Variants in SCHIP1 observed in about 807,000 individuals in gnomAD.
SCHIP1 encodes the protein schwannomin-interacting protein 1.
Under a neutral mutation model 29.7 loss-of-function variants are expected in SCHIP1, and 8 were observed. The ratio of observed to expected loss-of-function variants is 0.27; its 90% CI spans 0.16 to 0.49. SCHIP1 has a LOEUF of 0.49. Ranked by LOEUF, SCHIP1 falls within the 20% of genes least tolerant of loss-of-function variation. The pLI, the probability that SCHIP1 is intolerant of heterozygous loss-of-function variation, is 0.99. For missense variants in SCHIP1, 193 were observed against 294.6 expected (o/e 0.66, Z 2.52); for synonymous variants, 76 against 94.9 (o/e 0.80, Z 1.16).
At chr3:159,619,916 A>G in the SCHIP1 span, among the ~76,000 whole-genome samples, 1 of 152,244 alleles carries the variant, frequency 6.6e-6, no homozygotes, top group Admixed American at 6.5e-5. Context: ...CATGAAGTCC[A>G]TGGTATATAA....
chr3:159,480,144 C>T, the SCHIP1 span, among the ~76,000 whole-genome samples: 1 of 152,160 alleles, frequency 6.6e-6, no homozygotes, highest in South Asian at 2.1e-4. Context: ...CATTTGCTAC[C>T]TGCCTCTACT....
chr3:159,526,030 A>G, the SCHIP1 span, among the ~76,000 whole-genome samples: 1 of 152,252 alleles, frequency 6.6e-6, no homozygotes, highest in African/African-American at 2.4e-5. Context: ...ACTCATAACT[A>G]GAGTTAGTCA....
At chr3:159,424,373 T>C in the SCHIP1 span, among the ~76,000 whole-genome samples, 51 of 152,176 alleles carry the variant, frequency 3.4e-4, no homozygotes, top group Admixed American at 3.1e-3. Context: ...AAGCCAAGGC[T>C]CGAGAACTAT....
At chr3:159,371,898 T>C in the SCHIP1 span, among the ~76,000 whole-genome samples, 3 of 152,208 alleles carry the variant, frequency 2.0e-5, no homozygotes, top group East Asian at 5.8e-4. Context: ...TTTGTTGAAT[T>C]AATGGGTGCA....
chr3:159,341,775 G>C, the SCHIP1 span, among the ~76,000 whole-genome samples: 2 of 151,994 alleles, frequency 1.3e-5, no homozygotes, highest in South Asian at 4.1e-4. Flanking sequence ...GCTACTTTCT[G>C]TATCTAAACC....
the SCHIP1 span, among the ~76,000 whole-genome samples, chr3:159,828,671 C>T: frequency 6.6e-6 from 1 of 151,876 alleles, no homozygotes; most frequent in Non-Finnish European, 1.5e-5. Context: ...CTGTTCTCTT[C>T]CCCAGTACTC....
At chr3:159,888,295 G>A (rs7613455) in intron 4 of SCHIP1, 89 of 230,424 alleles carry the variant, frequency 3.9e-4, no homozygotes, top group African/African-American at 1.9e-3. Flanking sequence ...TAGGAGTCCT[G>A]GACTTTGGAG....
the SCHIP1 span, among the ~76,000 whole-genome samples, chr3:159,778,288 C>T: frequency 3.9e-5 from 6 of 152,076 alleles, no homozygotes; most frequent in East Asian, 1.9e-4. Context: ...CCACCGCGCC[C>T]GGCTAGGAAA....
the SCHIP1 span, among the ~76,000 whole-genome samples, chr3:159,579,922 AAAAATG>A: frequency 6.6e-6 from 1 of 152,158 alleles, no homozygotes; most frequent in African/African-American, 2.4e-5. Context: ...AAAAAATTTA[AAAAATG>A]AAAATTATTG....
the SCHIP1 span, among the ~76,000 whole-genome samples, chr3:159,586,628 G>C: frequency 2.6e-5 from 4 of 152,082 alleles, no homozygotes; most frequent in Non-Finnish European, 5.9e-5. Context: ...CTCAGCCTCC[G>C]TGTCACCCAG....
the SCHIP1 span, among the ~76,000 whole-genome samples, chr3:159,657,393 T>C: frequency 6.6e-6 from 1 of 152,202 alleles, no homozygotes. Context: ...CAGATAGTAT[T>C]AGATGGTGAT....
At chr3:159,824,142 T>G in the SCHIP1 span, among the ~76,000 whole-genome samples, 1 of 152,216 alleles carries the variant, frequency 6.6e-6, no homozygotes, top group Admixed American at 6.5e-5. Context: ...GAAAGATTCT[T>G]CATTTATTGT....
At chr3:159,852,940 G>C (rs1712836180) in intron 1 of SCHIP1, 1 of 155,560 alleles carries the variant, frequency 6.4e-6, no homozygotes, top group South Asian at 2.1e-4. Context: ...CCCTGGTTCA[G>C]ATTGCTAGTT....
chr3:159,733,446 T>C, the SCHIP1 span, among the ~76,000 whole-genome samples: 1 of 152,178 alleles, frequency 6.6e-6, no homozygotes, highest in East Asian at 1.9e-4. Context: ...CAAAGCCGTT[T>C]AACTGAGCCT....
chr3:159,481,782 A>C, the SCHIP1 span, among the ~76,000 whole-genome samples: 1 of 152,200 alleles, frequency 6.6e-6, no homozygotes, highest in African/African-American at 2.4e-5. Context: ...GGTAATTACT[A>C]TACTTAACAT....
intron 1 of SCHIP1, among the ~76,000 whole-genome samples, chr3:159,851,955 G>A (rs1422509305): frequency 6.6e-6 from 1 of 152,230 alleles, no homozygotes; most frequent in Admixed American, 6.5e-5. Context: ...TTGGAACTGA[G>A]GTGGGGCAAT....
the SCHIP1 span, among the ~76,000 whole-genome samples, chr3:159,318,688 A>G: frequency 1.3e-5 from 2 of 152,174 alleles, 1 homozygote; most frequent in South Asian, 4.1e-4. Flanking sequence ...AGTGGAGACC[A>G]TGGGCATTTG....
the SCHIP1 span, among the ~76,000 whole-genome samples, chr3:159,832,377 T>C: frequency 1.3e-5 from 2 of 152,028 alleles, no homozygotes; most frequent in East Asian, 3.8e-4. Context: ...CCATCATCAG[T>C]TTCTCCCTTT....
At chr3:159,289,734 A>G in the SCHIP1 span, among the ~76,000 whole-genome samples, 1 of 152,242 alleles carries the variant, frequency 6.6e-6, no homozygotes, top group African/African-American at 2.4e-5. Context: ...CAAAGGGTTG[A>G]TACTACATAA....
Sources: gnomAD v4.1 joint callset for allele counts (sites outside exome capture counted in the v4.1 genomes callset) on GRCh38, gnomAD v4.1.1 for gene constraint, MANE v1.5 for transcripts, NCBI Gene and HGNC (gene_info 2026-07-23, HGNC 2026-07-21) for gene names.